The following WDR72 variants were observed in gnomAD, a reference collection of about 807,000 sequenced individuals.
WDR72 encodes WD repeat-containing protein 72.
In WDR72, 120 loss-of-function variants were observed where a neutral mutation model predicts 124.2. That is an observed-to-expected ratio of 0.97 (90% confidence interval 0.83 to 1.12). WDR72 has a LOEUF of 1.12. Among genes scored for constraint, WDR72 ranks in the 50% most tolerant of loss-of-function variants. The probability of loss-of-function intolerance (pLI) is 0.00; values close to 1 mark genes in which losing one functional copy is unlikely to be tolerated. For synonymous variants in WDR72, 452 were observed against 441.7 expected, an observed-to-expected ratio of 1.02 and a Z score of -0.29; for missense variants, 1,387 against 1,278.8, an observed-to-expected ratio of 1.08 and a Z score of -1.29.
At chr15:53,666,428 A>C (rs74015848) in intron 13 of WDR72, among the ~76,000 whole-genome samples, 4,202 of 152,284 alleles carry the variant, frequency 0.028, 103 homozygotes, top group East Asian at 0.069. Flanking sequence ...AAAAAGTATA[A>C]AATAGACCAA....
rs1891353284 is a variant in WDR72 at position 53,514,992 on chromosome 15, C to A, written c.*2707G>T. 1.5e-5 allele frequency: 1 copy of A among 64,654 alleles called. No homozygotes were observed. The highest frequency in any genetic ancestry group is 3.6e-5 in the Non-Finnish European group (1 of 27,808). 4.0% of individuals were successfully genotyped at this position (64,654 alleles called of 1,614,324 possible). A position where few individuals can be genotyped will look rare whatever the true frequency, so the allele number is the denominator to read the frequency against. The stretch of plus-strand genomic sequence containing the variant: ...GGCTTGCAAATGAAAATATGATATT[C>A]CTTTGGGGGATATGCCATATATATA... On this transcript the variant is annotated 3_prime_UTR_variant, in exon 20 of 20. Transcript: ENST00000360509.
intron 19 of WDR72, among the ~76,000 whole-genome samples, chr15:53,522,229 G>A (rs928297051): frequency 5.3e-5 from 8 of 152,058 alleles, no homozygotes. Context: ...CTTGGGGAAG[G>A]ATCAGGGGAC....
intron 14 of WDR72, among the ~76,000 whole-genome samples, chr15:53,626,182 T>C (rs2014199924): frequency 6.6e-6 from 1 of 152,166 alleles, no homozygotes; most frequent in South Asian, 2.1e-4. Context: ...CCTCGTGTTC[T>C]CTGACCTGGG....
intron 13 of WDR72, among the ~76,000 whole-genome samples, chr15:53,679,944 C>A (rs200548491): frequency 4.2e-4 from 60 of 143,192 alleles, no homozygotes; most frequent in Middle Eastern, 3.5e-3. Flanking sequence ...ATATCTGCAG[C>A]AAAAAAAAAA....
chr15:53,550,545 C>G (rs1283630428), intron 18 of WDR72, among the ~76,000 whole-genome samples: 1 of 152,142 alleles, frequency 6.6e-6, no homozygotes, highest in Non-Finnish European at 1.5e-5. Flanking sequence ...ATTTATTATG[C>G]ATTAAACAAA....
intron 18 of WDR72, among the ~76,000 whole-genome samples, chr15:53,552,128 A>ATGTG (rs34039658): frequency 0.49 from 73,209 of 149,626 alleles, 18,126 homozygotes; most frequent in Admixed American, 0.59. Context: ...TATACCTATC[A>ATGTG]TGTGTGTGTG....
chr15:53,587,317 T>G (rs145542812), intron 18 of WDR72, among the ~76,000 whole-genome samples: 1 of 152,164 alleles, frequency 6.6e-6, no homozygotes, highest in Non-Finnish European at 1.5e-5. Flanking sequence ...TATTAAGGAA[T>G]GGCCACATTT....
At chr15:53,519,961 G>A (rs1891694634) in intron 19 of WDR72, among the ~76,000 whole-genome samples, 1 of 151,928 alleles carries the variant, frequency 6.6e-6, no homozygotes, top group Non-Finnish European at 1.5e-5. Flanking sequence ...TACACGAAGT[G>A]GTTATTTCTA....
At chr15:53,539,147 A>G (rs1217284753) in intron 18 of WDR72, among the ~76,000 whole-genome samples, 1 of 152,160 alleles carries the variant, frequency 6.6e-6, no homozygotes, top group Non-Finnish European at 1.5e-5. Flanking sequence ...ATCCAGCAAA[A>G]TTGACTTTTA....
intron 14 of WDR72, among the ~76,000 whole-genome samples, chr15:53,630,988 GAACT>G (rs891647830): frequency 7.2e-5 from 11 of 152,142 alleles, no homozygotes; most frequent in Middle Eastern, 6.3e-3. Flanking sequence ...AAACCTATTT[GAACT>G]AATAAATGAG....
intron 16 of WDR72, among the ~76,000 whole-genome samples, chr15:53,612,237 T>C (rs1161766268): frequency 6.6e-6 from 1 of 152,140 alleles, no homozygotes; most frequent in Non-Finnish European, 1.5e-5. Flanking sequence ...CTAGATATTG[T>C]TCTAGGAACC....
Position 53,619,555 on chromosome 15 carries a change from CTTCTT to C in WDR72, c.1963-3317_1963-3313del, listed in dbSNP as rs757566544. ...CAACAAAGACAAATATTTTTATTCT[CTTCTT>C]GTGTGAAAAATATTGCTCATCTTGG... On this transcript the variant is annotated intron_variant, in intron 14 of 19. Transcript: ENST00000360509. Among the ~76,000 whole-genome samples the C allele has an allele frequency of 7.3e-4, 111 of 152,094 alleles. 1 individual carries two copies. The highest frequency in any genetic ancestry group is 2.6e-3 in the African/African-American group (109 of 41,530).
chr15:53,731,952 T>A (rs1409829314), intron 2 of WDR72, among the ~76,000 whole-genome samples: 1 of 152,200 alleles, frequency 6.6e-6, no homozygotes, highest in Non-Finnish European at 1.5e-5. Flanking sequence ...TACACAACTA[T>A]TCTAGCCAGA....
intron 13 of WDR72, among the ~76,000 whole-genome samples, chr15:53,694,328 G>A (rs1373319752): frequency 1.3e-5 from 2 of 152,284 alleles, no homozygotes; most frequent in South Asian, 4.1e-4. Flanking sequence ...CATAGCTTTT[G>A]CTTCTCCTCC....
chr15:53,759,736 C>T (rs2019022001), upstream of WDR72: 1 of 151,640 alleles, frequency 6.6e-6, no homozygotes, highest in African/African-American at 2.4e-5. Context: ...CCCCGCCCCG[C>T]CCCGGTCCTG....
At chr15:53,681,010 A>T (rs1346175236) in intron 13 of WDR72, among the ~76,000 whole-genome samples, 2 of 152,202 alleles carry the variant, frequency 1.3e-5, no homozygotes, top group Non-Finnish European at 2.9e-5. Flanking sequence ...CAAGGACTTG[A>T]CCTTTGAATT....
intron 14 of WDR72, among the ~76,000 whole-genome samples, chr15:53,617,016 C>T (rs2013794098): frequency 6.6e-6 from 1 of 151,842 alleles, no homozygotes; most frequent in African/African-American, 2.4e-5. Flanking sequence ...CCAGTGCCTA[C>T]AAAACAATGC....
chr15:53,552,128 ATG>A (rs34039658), intron 18 of WDR72, among the ~76,000 whole-genome samples: 8,707 of 149,778 alleles, frequency 0.058, 638 homozygotes, highest in African/African-American at 0.18. Context: ...TATACCTATC[ATG>A]TGTGTGTGTG....
chr15:53,655,640 G>A (rs933844941), intron 14 of WDR72, among the ~76,000 whole-genome samples: 26 of 151,916 alleles, frequency 1.7e-4, no homozygotes, highest in African/African-American at 5.1e-4. Flanking sequence ...TTTATATAAC[G>A]ACAAGAGACC....
Sources: allele counts gnomAD v4.1 joint callset (sites outside exome capture counted in the v4.1 genomes callset), GRCh38; gene constraint gnomAD v4.1.1; transcripts MANE v1.5; gene names NCBI Gene and HGNC (gene_info 2026-07-23, HGNC 2026-07-21).